SUGCT: variants seen among roughly 807,000 people sequenced by gnomAD.
SUGCT encodes succinyl-CoA:glutarate-CoA transferase.
SUGCT carries 41 observed loss-of-function variants against 55.0 expected under a neutral mutation model. That is an observed-to-expected ratio of 0.74 (90% CI 0.58 to 0.97). The LOEUF (loss-of-function observed/expected upper bound fraction) is 0.97. Ranked by LOEUF, SUGCT falls within the 50% of genes least tolerant of loss-of-function variation. The pLI is 0.00. For missense variants in SUGCT, 568 were observed against 547.8 expected (o/e 1.04, Z -0.37); for synonymous variants, 187 against 200.4 (o/e 0.93, Z 0.56).
intron 12 of SUGCT, among the ~76,000 whole-genome samples, chr7:40,635,424 C>A (rs1799983058): frequency 6.6e-6 from 1 of 151,794 alleles, no homozygotes; most frequent in Non-Finnish European, 1.5e-5. Flanking sequence ...ACATGAAATA[C>A]AGGAATTTCA....
the SUGCT span, among the ~76,000 whole-genome samples, chr7:40,929,271 C>G: frequency 8.0e-4 from 122 of 152,170 alleles, no homozygotes; most frequent in Middle Eastern, 3.4e-3. Flanking sequence ...TTTTATGGCT[C>G]CATAGTATTC....
chr7:40,687,290 A>G (rs985534909), intron 12 of SUGCT, among the ~76,000 whole-genome samples: 1 of 152,186 alleles, frequency 6.6e-6, no homozygotes, highest in Non-Finnish European at 1.5e-5. Flanking sequence ...CTTCATTGGC[A>G]GAAGGGGACA....
intron 13 of SUGCT, among the ~76,000 whole-genome samples, chr7:40,820,471 G>A (rs1337636237): frequency 2.0e-5 from 3 of 152,122 alleles, no homozygotes; most frequent in Non-Finnish European, 4.4e-5. Context: ...TCCTTGAAGA[G>A]GTCCTTCACA....
At chr7:40,492,157 C>T (rs375162443) in intron 11 of SUGCT, among the ~76,000 whole-genome samples, 14 of 152,124 alleles carry the variant, frequency 9.2e-5, no homozygotes, top group Middle Eastern at 6.8e-3. Context: ...GGAGACCTTT[C>T]GAGACTGGGT....
At chr7:40,756,270 G>A (rs1474186133) in intron 13 of SUGCT, among the ~76,000 whole-genome samples, 3 of 152,132 alleles carry the variant, frequency 2.0e-5, no homozygotes, top group Non-Finnish European at 2.9e-5. Flanking sequence ...ACATTTTCTG[G>A]ATGATGATTA....
At chr7:40,419,127 TG>T (rs1281761458) in intron 9 of SUGCT, among the ~76,000 whole-genome samples, 1 of 152,216 alleles carries the variant, frequency 6.6e-6, no homozygotes, top group Non-Finnish European at 1.5e-5. Context: ...TGCTCATTTA[TG>T]GGGCGGTGAA....
At chr7:40,780,657 G>A (rs1789690656) in intron 13 of SUGCT, among the ~76,000 whole-genome samples, 1 of 151,798 alleles carries the variant, frequency 6.6e-6, no homozygotes, top group Admixed American at 6.6e-5. Context: ...AATTTATCAG[G>A]CATTTCTTAA....
At chr7:41,028,731 T>C in the SUGCT span, among the ~76,000 whole-genome samples, 1 of 152,356 alleles carries the variant, frequency 6.6e-6, no homozygotes, top group East Asian at 1.9e-4. Flanking sequence ...TTGACTAAAA[T>C]GTTGTCATGC....
At chr7:40,157,260 C>G (rs1400088056) in intron 1 of SUGCT, among the ~76,000 whole-genome samples, 3 of 152,038 alleles carry the variant, frequency 2.0e-5, no homozygotes, top group Non-Finnish European at 4.4e-5. Context: ...CTTTTCTTCC[C>G]AAGCAGAATT....
chr7:40,493,874 A>G (rs577770372), intron 11 of SUGCT, among the ~76,000 whole-genome samples: 1 of 152,324 alleles, frequency 6.6e-6, no homozygotes, highest in South Asian at 2.1e-4. Flanking sequence ...AAAAAAAATG[A>G]TGGATATGTC....
At chr7:40,376,874 G>GAAAA in intron 9 of SUGCT, among the ~76,000 whole-genome samples, 1 of 151,410 alleles carries the variant, frequency 6.6e-6, no homozygotes, top group East Asian at 2.0e-4. Flanking sequence ...TCATTCATCT[G>GAAAA]AAAATGTCAT....
chr7:40,306,180 G>C (rs1324848380), intron 8 of SUGCT, among the ~76,000 whole-genome samples: 2 of 152,054 alleles, frequency 1.3e-5, no homozygotes, highest in African/African-American at 4.8e-5. Context: ...AGAATCATCT[G>C]TGATCTCCTG....
chr7:40,167,349 C>T (rs1206075496), intron 1 of SUGCT, among the ~76,000 whole-genome samples: 1 of 152,098 alleles, frequency 6.6e-6, no homozygotes, highest in Non-Finnish European at 1.5e-5. Context: ...ATGTCTGAAG[C>T]TGGAAATTGA....
chr7:40,973,848 A>AT, the SUGCT span, among the ~76,000 whole-genome samples: 6 of 152,152 alleles, frequency 3.9e-5, no homozygotes, highest in African/African-American at 1.4e-4. Context: ...CCAAGACAGT[A>AT]TTTTGTTTTC....
chr7:40,356,395 C>T (rs531045404), intron 9 of SUGCT, among the ~76,000 whole-genome samples: 195 of 152,272 alleles, frequency 1.3e-3, no homozygotes, highest in Admixed American at 4.7e-3. Context: ...TTTTCTTACT[C>T]AGAAAAATTT....
At chr7:40,260,673 A>G (rs1791160769) in intron 7 of SUGCT, among the ~76,000 whole-genome samples, 1 of 152,106 alleles carries the variant, frequency 6.6e-6, no homozygotes, top group Admixed American at 6.6e-5. Flanking sequence ...TTGTTTTGAG[A>G]TGGTGTCTCA....
chr7:40,918,018 C>G, the SUGCT span, among the ~76,000 whole-genome samples: 2 of 152,178 alleles, frequency 1.3e-5, no homozygotes, highest in Non-Finnish European at 2.9e-5. Flanking sequence ...AGGGCAGGCA[C>G]TTTCCATTGG....
the SUGCT span, among the ~76,000 whole-genome samples, chr7:41,024,321 A>C: frequency 6.6e-6 from 1 of 152,218 alleles, no homozygotes; most frequent in Admixed American, 6.5e-5. Context: ...CAAACCACAG[A>C]CTGTGAAAAC....
chr7:40,942,961 C>A, the SUGCT span, among the ~76,000 whole-genome samples: 1 of 151,868 alleles, frequency 6.6e-6, no homozygotes, highest in South Asian at 2.1e-4. Flanking sequence ...CCATTCATAT[C>A]CTGAATTTTT....
Sources: allele counts gnomAD v4.1 joint callset (sites outside exome capture counted in the v4.1 genomes callset), GRCh38; gene constraint gnomAD v4.1.1; transcripts MANE v1.5; gene names NCBI Gene and HGNC (gene_info 2026-07-23, HGNC 2026-07-21).